The following GNB4 variants were observed in gnomAD, a reference collection of about 807,000 sequenced individuals.
GNB4 encodes guanine nucleotide-binding protein subunit beta-4.
Under a neutral mutation model 45.2 loss-of-function variants are expected in GNB4, and 28 were observed. The ratio of observed to expected loss-of-function variants is 0.62; its 90% CI spans 0.46 to 0.85. The LOEUF is 0.85. Among genes scored for constraint, GNB4 ranks in the 40% least tolerant of loss-of-function variants. The pLI is 0.00. For synonymous variants in GNB4, 132 were observed against 143.7 expected (o/e 0.92, Z 0.58); for missense variants, 321 against 425.4 (o/e 0.75, Z 2.16).
the GNB4 span, among the ~76,000 whole-genome samples, chr3:179,526,958 G>A: frequency 6.6e-6 from 1 of 152,122 alleles, no homozygotes; most frequent in Non-Finnish European, 1.5e-5. Context: ...AATGCATTAG[G>A]AGGCTTAAGA....
rs1189428734 is a variant in GNB4 at position 179,397,286 on chromosome 3, G to A, written c.*3927C>T. ...ACATGTTCACATTTAAAATGCTTAA[G>A]GTCTTATTATTAAATCCAAAATACC... On this transcript the variant is annotated 3_prime_UTR_variant, in exon 10 of 10. Coordinates refer to ENST00000232564, the MANE Select transcript of GNB4 (RefSeq NM_021629.4). 2 of 152,130 alleles carry A rather than the reference G, an allele frequency of 1.3e-5. No individual in the cohort carries two copies. Among genetic ancestry groups the A allele is most frequent in the African/African-American group, 4.8e-5 (2 of 41,422 alleles). The allele number at this position is 152,130 out of a possible 1,614,324, so 9.4% of individuals were successfully genotyped here.
the GNB4 span, among the ~76,000 whole-genome samples, chr3:179,482,280 T>C: frequency 6.6e-6 from 1 of 152,218 alleles, no homozygotes; most frequent in Non-Finnish European, 1.5e-5. Context: ...ATGACCTTTT[T>C]GCAATGCCAT....
intron 2 of GNB4, among the ~76,000 whole-genome samples, chr3:179,424,951 T>C (rs1032730035): frequency 3.3e-5 from 5 of 152,194 alleles, no homozygotes; most frequent in African/African-American, 1.2e-4. Flanking sequence ...GAAACAGCTA[T>C]TGTGAGAGGT....
the GNB4 span, among the ~76,000 whole-genome samples, chr3:179,486,220 CAA>C: frequency 3.4e-3 from 427 of 123,800 alleles, 1 homozygote; most frequent in African/African-American, 0.012. Flanking sequence ...GACTCTGTCT[CAA>C]AAAAAAAAAA....
chr3:179,413,183 CAAAA>C (rs933359971), intron 8 of GNB4, among the ~76,000 whole-genome samples: 2 of 150,998 alleles, frequency 1.3e-5, no homozygotes, highest in Non-Finnish European at 2.9e-5. Flanking sequence ...CTCAAAAAAA[CAAAA>C]AAATAACAAC....
chr3:179,488,590 A>G, the GNB4 span, among the ~76,000 whole-genome samples: 1 of 152,176 alleles, frequency 6.6e-6, no homozygotes, highest in Non-Finnish European at 1.5e-5. Flanking sequence ...AGTTGACAAT[A>G]GGAACAATGC....
At chr3:179,491,039 C>T in the GNB4 span, among the ~76,000 whole-genome samples, 1 of 151,004 alleles carries the variant, frequency 6.6e-6, no homozygotes, top group Non-Finnish European at 1.5e-5. Flanking sequence ...ATAACACATA[C>T]GTTAGAATTA....
At chr3:179,444,374 G>GT (rs1007912373) in intron 1 of GNB4, among the ~76,000 whole-genome samples, 4 of 148,356 alleles carry the variant, frequency 2.7e-5, no homozygotes, top group Non-Finnish European at 5.9e-5. Flanking sequence ...TAATTACTAA[G>GT]TTTTTTGTTT....
At chr3:179,517,783 G>A in the GNB4 span, among the ~76,000 whole-genome samples, 29 of 151,992 alleles carry the variant, frequency 1.9e-4, no homozygotes, top group Non-Finnish European at 2.4e-4. Flanking sequence ...CGTTTTATCC[G>A]TGAACCCAAA....
At chr3:179,499,541 G>A in the GNB4 span, among the ~76,000 whole-genome samples, 1 of 152,186 alleles carries the variant, frequency 6.6e-6, no homozygotes, top group Non-Finnish European at 1.5e-5. Flanking sequence ...GAACAGTGCT[G>A]CAATAAACAT....
chr3:179,404,506 A>G (rs1006778624), intron 9 of GNB4, among the ~76,000 whole-genome samples: 1 of 152,114 alleles, frequency 6.6e-6, no homozygotes, highest in Non-Finnish European at 1.5e-5. Flanking sequence ...TAGCAACATA[A>G]AGAGACCCTG....
Position 179,419,079 on chromosome 3 carries a change from T to G in GNB4, c.203+320A>C, listed in dbSNP as rs2108595450. Among the ~76,000 whole-genome samples, 2 of 152,382 alleles carry G rather than the reference T, an allele frequency of 1.3e-5. 1 individual carries two copies. Among genetic ancestry groups the G allele is most frequent in the Middle Eastern group, 6.8e-3 (2 of 294 alleles). ...CATAGGTGTTCAATACGTATTTGCT[T>G]ATGAACTGAAATTTCAAGCTTCATA... On this transcript the variant is annotated intron_variant, in intron 4 of 9. Coordinates refer to ENST00000232564, the MANE Select transcript of GNB4 (RefSeq NM_021629.4).
the GNB4 span, among the ~76,000 whole-genome samples, chr3:179,466,992 T>C: frequency 6.6e-6 from 1 of 152,344 alleles, no homozygotes; most frequent in East Asian, 1.9e-4. Context: ...GTGTGGATGA[T>C]GATAAATACT....
At chr3:179,443,487 C>T (rs1474562325) in intron 1 of GNB4, among the ~76,000 whole-genome samples, 3 of 150,936 alleles carry the variant, frequency 2.0e-5, no homozygotes, top group South Asian at 2.1e-4. Flanking sequence ...TGCAGTGAGC[C>T]GAGATCTCAC....
the GNB4 span, among the ~76,000 whole-genome samples, chr3:179,457,025 AG>A: frequency 6.6e-6 from 1 of 152,224 alleles, no homozygotes; most frequent in Non-Finnish European, 1.5e-5. Context: ...AAAGATGAAA[AG>A]GAGCCCTGCG....
the GNB4 span, among the ~76,000 whole-genome samples, chr3:179,466,822 A>T: frequency 6.6e-6 from 1 of 152,320 alleles, no homozygotes; most frequent in Non-Finnish European, 1.5e-5. Context: ...TACAACAAAG[A>T]AATTAACAGA....
the GNB4 span, among the ~76,000 whole-genome samples, chr3:179,490,182 T>C: frequency 6.6e-6 from 1 of 152,212 alleles, no homozygotes; most frequent in Admixed American, 6.5e-5. Context: ...TGGAGAAGAT[T>C]AGAATTTGAA....
intron 4 of GNB4, among the ~76,000 whole-genome samples, chr3:179,418,046 A>G (rs952315094): frequency 1.3e-5 from 2 of 152,212 alleles, no homozygotes; most frequent in Non-Finnish European, 2.9e-5. Flanking sequence ...ATGAAGATTA[A>G]CAGTCTTCAG....
chr3:179,492,485 C>A, the GNB4 span, among the ~76,000 whole-genome samples: 1 of 152,104 alleles, frequency 6.6e-6, no homozygotes, highest in South Asian at 2.1e-4. Flanking sequence ...AGGGCCCGAG[C>A]AGCCCTGGTA....
Sources: gnomAD v4.1 joint callset for allele counts (sites outside exome capture counted in the v4.1 genomes callset) on GRCh38, gnomAD v4.1.1 for gene constraint, MANE v1.5 for transcripts, NCBI Gene and HGNC (gene_info 2026-07-23, HGNC 2026-07-21) for gene names.